Variants in QTRT2 observed in about 807,000 individuals in gnomAD.
QTRT2 encodes the protein queuine tRNA-ribosyltransferase domain containing 1.
In QTRT2, 32 loss-of-function variants were observed where a neutral mutation model predicts 44.8. The observed-to-expected ratio is 0.71, with a 90% confidence interval of 0.54 to 0.96. The LOEUF (loss-of-function observed/expected upper bound fraction) is 0.96, where lower values mean the gene tolerates loss of function less well. Ranked by LOEUF, QTRT2 falls within the 40% of genes least tolerant of loss-of-function variation. The pLI is 0.00. For synonymous variants in QTRT2, 182 were observed against 187.4 expected, an observed-to-expected ratio of 0.97 and a Z score of 0.24; for missense variants, 461 against 503.1, an observed-to-expected ratio of 0.92 and a Z score of 0.80.
intron 2 of QTRT2, among the ~76,000 whole-genome samples, chr3:114,061,179 C>G (rs1468337341): frequency 3.9e-5 from 6 of 152,070 alleles, no homozygotes; most frequent in Non-Finnish European, 1.5e-5. Flanking sequence ...CCTTCTTCTT[C>G]CCATTCTGAT....
chr3:114,081,964 G>T (rs750066423), intron 8 of QTRT2, among the ~76,000 whole-genome samples: 3 of 152,118 alleles, frequency 2.0e-5, no homozygotes, highest in African/African-American at 4.8e-5. Context: ...TTGGCTTTTT[G>T]TAGAGTAGCT....
At chr3:114,067,917 G>T in intron 4 of QTRT2, 70 bp from the exon 5 acceptor site, 1 of 1,375,166 alleles carries the variant, frequency 7.3e-7, no homozygotes, top group South Asian at 1.2e-5. Context: ...TTGCGAAGCT[G>T]CTCCCTGCTA....
intron 2 of QTRT2, among the ~76,000 whole-genome samples, chr3:114,061,776 T>C (rs1246062169): frequency 6.6e-6 from 1 of 151,864 alleles, no homozygotes; most frequent in Non-Finnish European, 1.5e-5. Flanking sequence ...CAGGGTTTCA[T>C]TGTGTTGCCC....
At chr3:114,061,197 T>C (rs2076882865) in intron 2 of QTRT2, among the ~76,000 whole-genome samples, 1 of 152,210 alleles carries the variant, frequency 6.6e-6, no homozygotes, top group Non-Finnish European at 1.5e-5. Context: ...GATTCTATGC[T>C]TGCATGGCAT....
Position 114,057,113 on chromosome 3 carries a change from T to G in QTRT2, c.-22+7T>G. ...GACTAGCCTCTGCTGAAAGGTAGAG[T>G]TTTCAGGAAGTTTTTATTCCGAACT... On this transcript the variant is annotated splice_region_variant and intron_variant, in intron 2 of 9. Transcript: ENST00000281273. 1 of 1,318,942 alleles carries G rather than the reference T, an allele frequency of 7.6e-7. No individual in the cohort carries two copies. Among genetic ancestry groups the G allele is most frequent in the Non-Finnish European group, 9.7e-7 (1 of 1,033,838 alleles). The allele number at this position is 1,318,942 out of a possible 1,614,324, so 81.7% of individuals were successfully genotyped here.
At chr3:114,083,992 A>T (rs2077201397) in intron 9 of QTRT2, among the ~76,000 whole-genome samples, 1 of 151,330 alleles carries the variant, frequency 6.6e-6, no homozygotes, top group African/African-American at 2.4e-5. Flanking sequence ...AGTTTTTGAG[A>T]TTTGTAGACA....
At chr3:114,060,819 T>G in intron 2 of QTRT2, among the ~76,000 whole-genome samples, 1 of 152,130 alleles carries the variant, frequency 6.6e-6, no homozygotes, top group Non-Finnish European at 1.5e-5. Context: ...GTGGGGCCAG[T>G]CGTAAGTAAA....
In QTRT2 at chr3:114,077,026, G is replaced by A. The variant is rs570841687; in HGVS notation, c.746+84G>A. 268 of 1,257,818 alleles carry A rather than the reference G, an allele frequency of 2.1e-4. 5 individuals are homozygous for A. In the South Asian group the frequency reaches 3.3e-3, roughly 16 times the overall value. The allele number at this position is 1,257,818 out of a possible 1,614,324, so 77.9% of individuals were successfully genotyped here. On this transcript the variant is annotated intron_variant, in intron 7 of 9. Transcript: ENST00000281273. ...CGATTGTATATTAAATAGTGTCTGT[G>A]CATAGGCATGCCTTTGATGTTTTGT...
At chr3:114,067,555 C>G (rs555442825) in intron 4 of QTRT2, among the ~76,000 whole-genome samples, 1 of 152,058 alleles carries the variant, frequency 6.6e-6, no homozygotes, top group African/African-American at 2.4e-5. Flanking sequence ...CCCTAGGGAC[C>G]CATGATATTA....
At chr3:114,058,011 T>TA (rs1022961717) in intron 2 of QTRT2, among the ~76,000 whole-genome samples, 9 of 152,230 alleles carry the variant, frequency 5.9e-5, no homozygotes, top group Admixed American at 2.0e-4. Context: ...CTTCAATAAT[T>TA]AAAGTCCTTG....
intron 4 of QTRT2, 185 bp downstream of exon 4, chr3:114,066,468 G>C (rs776329864): frequency 4.1e-5 from 23 of 557,482 alleles, no homozygotes; most frequent in Non-Finnish European, 7.1e-5. Context: ...TGCTCTCATG[G>C]AATTTGGAGC....
chr3:114,085,789 T>C lies in QTRT2; in HGVS notation c.1133T>C (p.Leu378Pro). The C allele has an allele frequency of 6.2e-7, 1 of 1,614,198 alleles. No individual in the cohort carries two copies. Among genetic ancestry groups the C allele is most frequent in the Non-Finnish European group, 8.5e-7 (1 of 1,180,036 alleles). Residue 378 changes from leucine to proline, a missense_variant, in exon 10 of 10, where the codon CTG becomes CCG. Leu to Pro is a moderately conservative substitution (Grantham distance 98). Transcript: ENST00000281273. ...ACCAATGAGCTGCTGGCCGGAGTCC[T>C]GCTTATGATGCACAACTTTGAACAC... Reference protein sequence around the residue: ...LVTNELLAGVLLMMHNFEHYF... With the variant: ...LVTNELLAGVPLMMHNFEHYF...
intron 4 of QTRT2, among the ~76,000 whole-genome samples, chr3:114,066,798 G>A (rs557855241): frequency 6.3e-4 from 96 of 152,256 alleles, no homozygotes; most frequent in African/African-American, 2.3e-3. Flanking sequence ...CTGACTCAGC[G>A]GTGAGAACTT....
chr3:114,085,196 GTTCT>G (rs901383149), intron 9 of QTRT2, among the ~76,000 whole-genome samples: 10 of 152,010 alleles, frequency 6.6e-5, no homozygotes, highest in Admixed American at 2.0e-4. Flanking sequence ...GACTCATTGT[GTTCT>G]TTGTTAACTT....
At chr3:114,082,249 C>T (rs951719989) in intron 8 of QTRT2, among the ~76,000 whole-genome samples, 7 of 120,984 alleles carry the variant, frequency 5.8e-5, no homozygotes, top group African/African-American at 2.2e-4. Flanking sequence ...CACACACACA[C>T]ACACGCAACC....
rs2077190998 is a variant in QTRT2, at chr3:114,083,278, TTGTTGTTGCTGTTGTTGTTGTTGC to T, written c.1016+490_1016+513del. On this transcript the variant is annotated intron_variant, in intron 9 of 9. Coordinates refer to ENST00000281273, the MANE Select transcript of QTRT2 (RefSeq NM_024638.4). ...TTCAGATTTCTTTTCTTTGTTGTTG[TTGTTGTTGCTGTTGTTGTTGTTGC>T]TGTTGCTGCTGCTGTTGTTGTTGTT... 1.4e-5 allele frequency among the ~76,000 whole-genome samples: 2 copies of T among 146,116 alleles called. 1 individual carries two copies. Among genetic ancestry groups the T allele is most frequent in the Non-Finnish European group, 3.0e-5 (2 of 67,514 alleles).
chr3:114,069,533 A>G (rs1474330421), intron 5 of QTRT2, among the ~76,000 whole-genome samples: 2 of 152,186 alleles, frequency 1.3e-5, no homozygotes, highest in South Asian at 4.1e-4. Context: ...GCTAGGGACA[A>G]TGGCCTCCAG....
At chr3:114,066,947 C>T (rs1401756587) in intron 4 of QTRT2, among the ~76,000 whole-genome samples, 3 of 152,170 alleles carry the variant, frequency 2.0e-5, no homozygotes, top group Non-Finnish European at 2.9e-5. Flanking sequence ...ATTTTATATG[C>T]AGATGTATGC....
chr3:114,065,345 A>T lies in QTRT2; in HGVS notation c.88A>T (p.Ile30Phe). The T allele has an allele frequency of 6.2e-7, 1 of 1,614,100 alleles. No homozygotes were observed. The highest frequency in any genetic ancestry group is 8.5e-7 in the Non-Finnish European group (1 of 1,179,990). The stretch of plus-strand genomic sequence containing the variant: ...CAAAACAGGGGACCACACCATGGAT[A>T]TTCCAGGCTGCCTTCTGTATACCAA... ...LGKTGDHTMDIPGCLLYTKTG... is the reference protein window; with the variant it reads ...LGKTGDHTMDFPGCLLYTKTG... The change falls in exon 3 of 10, where the codon ATT becomes TTT. Residue 30 changes from isoleucine to phenylalanine, a missense_variant. Transcript: ENST00000281273.
Sources: gnomAD v4.1 joint callset for allele counts (sites outside exome capture counted in the v4.1 genomes callset) on GRCh38, gnomAD v4.1.1 for gene constraint, MANE v1.5 for transcripts, NCBI Gene and HGNC (gene_info 2026-07-23, HGNC 2026-07-21) for gene names.